Variants in TENM3 observed in about 807,000 individuals in gnomAD.
TENM3 encodes teneurin-3.
TENM3 carries 63 observed loss-of-function variants against 255.1 expected under a neutral mutation model. That is an observed-to-expected ratio of 0.25 (90% CI 0.20 to 0.30). TENM3 has a LOEUF of 0.30. TENM3 is among the 10% of genes least tolerant of loss of function. The probability of loss-of-function intolerance (pLI) is 1.00; values close to 1 mark genes in which losing one functional copy is unlikely to be tolerated. For missense variants in TENM3, 2,929 were observed against 3,461.1 expected (o/e 0.85, Z 3.86); for synonymous variants, 1,306 against 1,322.3 (o/e 0.99, Z 0.27).
At chr4:181,547,589 G>A in the TENM3 span, among the ~76,000 whole-genome samples, 14,383 of 152,020 alleles carry the variant, frequency 0.095, 893 homozygotes, top group African/African-American at 0.16. Flanking sequence ...AACACCAGGA[G>A]TAAAGAAATA....
chr4:181,795,998 G>A, the TENM3 span, among the ~76,000 whole-genome samples: 1 of 152,162 alleles, frequency 6.6e-6, no homozygotes, highest in South Asian at 2.1e-4. Flanking sequence ...CTGAGTATGG[G>A]AAGGAAAGGG....
the TENM3 span, among the ~76,000 whole-genome samples, chr4:182,074,970 T>C: frequency 7.0e-6 from 1 of 143,866 alleles, no homozygotes; most frequent in Non-Finnish European, 1.5e-5. Context: ...GTCCAGATTA[T>C]GGCATAAGAG....
At chr4:181,723,094 G>A in the TENM3 span, among the ~76,000 whole-genome samples, 1 of 152,050 alleles carries the variant, frequency 6.6e-6, no homozygotes, top group Non-Finnish European at 1.5e-5. Context: ...GGAACATGGA[G>A]GGGACACCAG....
At chr4:182,007,661 T>C in the TENM3 span, among the ~76,000 whole-genome samples, 4 of 152,196 alleles carry the variant, frequency 2.6e-5, no homozygotes. Flanking sequence ...CACCAATGGG[T>C]CTTGACATCT....
the TENM3 span, among the ~76,000 whole-genome samples, chr4:181,493,188 T>C: frequency 5.9e-5 from 9 of 151,740 alleles, no homozygotes; most frequent in Admixed American, 1.3e-4. Flanking sequence ...CTCAATATTT[T>C]GGGAGGCTAA....
At chr4:182,705,696 C>T (rs763423365) in intron 12 of TENM3, among the ~76,000 whole-genome samples, 1 of 152,140 alleles carries the variant, frequency 6.6e-6, no homozygotes, top group Non-Finnish European at 1.5e-5. Context: ...ATGTCTCAGC[C>T]GGACAGGAAC....
At chr4:181,998,207 A>G in the TENM3 span, among the ~76,000 whole-genome samples, 11 of 152,202 alleles carry the variant, frequency 7.2e-5, no homozygotes, top group Non-Finnish European at 7.4e-5. Context: ...CAAATTTTGT[A>G]TTAGCTGATG....
At chr4:181,558,233 G>A in the TENM3 span, among the ~76,000 whole-genome samples, 8 of 152,212 alleles carry the variant, frequency 5.3e-5, no homozygotes, top group South Asian at 8.3e-4. Context: ...AATATAGAAG[G>A]TCCATGCCAA....
chr4:182,032,965 CTATT>C, the TENM3 span, among the ~76,000 whole-genome samples: 14 of 149,484 alleles, frequency 9.4e-5, no homozygotes, highest in Non-Finnish European at 1.6e-4. Context: ...AGAGTTCTAT[CTATT>C]TTATTAATTT....
At chr4:182,243,945 TC>T in intron 1 of TENM3, among the ~76,000 whole-genome samples, 1 of 143,344 alleles carries the variant, frequency 7.0e-6, no homozygotes, top group Admixed American at 6.9e-5. Context: ...ATTTGTGTTT[TC>T]TTTTTTTTTT....
upstream of TENM3, among the ~76,000 whole-genome samples, chr4:182,243,244 A>G (rs922522719): frequency 6.6e-5 from 10 of 152,152 alleles, no homozygotes; most frequent in Non-Finnish European, 1.2e-4. Flanking sequence ...CCTCCTGAGT[A>G]GCTGGGATTA....
At chr4:182,102,798 C>G in the TENM3 span, among the ~76,000 whole-genome samples, 1 of 152,144 alleles carries the variant, frequency 6.6e-6, no homozygotes, top group South Asian at 2.1e-4. Flanking sequence ...TACCTATAAA[C>G]TGGGATCAGG....
rs1766289241 is a variant in TENM3 at position 182,793,813 on chromosome 4, C to T, written c.7141C>T (p.Pro2381Ser). 1.2e-6 allele frequency: 2 copies of T among 1,613,882 alleles called. No homozygotes were observed. The highest frequency in any genetic ancestry group is 1.7e-6 in the Non-Finnish European group (2 of 1,179,842). ...IWKRIGKDPA[P>S]FNLYMFRNNN... ...GAAAAGAATTGGGAAGGACCCAGCT[C>T]CTTTTAACTTGTACATGTTTAGGAA... Residue 2381 changes from proline to serine, a missense_variant, in exon 26 of 28, where the codon CCT (proline) becomes TCT (serine). Pro to Ser is a moderately conservative substitution (Grantham distance 74). Around this residue, in one of 6 missense-constraint regions of TENM3, gnomAD observed 476 missense variants for 480.1 expected, o/e 0.99. Coordinates refer to ENST00000511685, the MANE Select transcript of TENM3 (RefSeq NM_001080477.4). The surrounding 1 kb of genome is among the most constrained non-coding windows in gnomAD (Gnocchi z 5.7).
At chr4:182,052,737 C>T in the TENM3 span, among the ~76,000 whole-genome samples, 1 of 152,040 alleles carries the variant, frequency 6.6e-6, no homozygotes, top group Non-Finnish European at 1.5e-5. Flanking sequence ...AAATGGGGGC[C>T]AATGGACCTG....
At chr4:182,239,377 C>T (rs903746475), upstream of TENM3, among the ~76,000 whole-genome samples, 9 of 152,136 alleles carry the variant, frequency 5.9e-5, no homozygotes, top group Non-Finnish European at 1.0e-4. Context: ...CCGCGCCCGG[C>T]CAAAAATCTT....
At chr4:182,427,207 T>C (rs899163155) in intron 3 of TENM3, among the ~76,000 whole-genome samples, 2 of 152,218 alleles carry the variant, frequency 1.3e-5, no homozygotes, top group Non-Finnish European at 2.9e-5. Flanking sequence ...TTGTTACTTT[T>C]GTTTGTTTTG....
At chr4:182,356,034 A>T (rs980256442) in intron 3 of TENM3, among the ~76,000 whole-genome samples, 5 of 151,980 alleles carry the variant, frequency 3.3e-5, no homozygotes, top group Non-Finnish European at 5.9e-5. Flanking sequence ...ATAGAATGAG[A>T]AAAGAAGAGG....
intron 3 of TENM3, among the ~76,000 whole-genome samples, chr4:182,452,647 G>A (rs886125979): frequency 1.3e-5 from 2 of 152,174 alleles, no homozygotes; most frequent in Non-Finnish European, 2.9e-5. Flanking sequence ...AGTTATGAAT[G>A]ATAAGTGCTA....
chr4:182,222,413 C>T (rs960323307), intron 1 of TENM3, among the ~76,000 whole-genome samples: 3 of 152,210 alleles, frequency 2.0e-5, no homozygotes, highest in African/African-American at 7.2e-5. Context: ...AATTCAGATC[C>T]AAGCAAACTG....
Sources: gnomAD v4.1 joint callset for allele counts (sites outside exome capture counted in the v4.1 genomes callset) on GRCh38, gnomAD v4.1.1 for gene constraint, gnomAD v4.1.1 regional missense constraint, Gnocchi (gnomAD v3.1) non-coding constraint, MANE v1.5 for transcripts, NCBI Gene and HGNC (gene_info 2026-07-23, HGNC 2026-07-21) for gene names.